The following PCSK5 variants were observed in gnomAD, a reference collection of about 807,000 sequenced individuals.
PCSK5 encodes prohormone convertase 5.
In PCSK5, 129 loss-of-function variants were observed where a neutral mutation model predicts 233.2. The ratio of observed to expected loss-of-function variants is 0.55; its 90% CI spans 0.48 to 0.64. The LOEUF is 0.64. Ranked by LOEUF, PCSK5 falls within the 30% of genes least tolerant of loss-of-function variation. PCSK5 has a pLI of 0.00. For synonymous variants in PCSK5, 825 were observed against 879.2 expected (o/e 0.94, Z 1.09); for missense variants, 2,076 against 2,430.1 (o/e 0.85, Z 3.06).
chr9:76,281,841 G>GT (rs1395654808), intron 24 of PCSK5, among the ~76,000 whole-genome samples: 1 of 152,030 alleles, frequency 6.6e-6, no homozygotes, highest in Non-Finnish European at 1.5e-5. Context: ...TAGAGATGGG[G>GT]TTTTGCCACG....
Position 76,104,622 on chromosome 9 carries a change from G to A in PCSK5, c.1108-2629G>A, listed in dbSNP as rs1251114666. Among the ~76,000 whole-genome samples, 5 of 152,168 alleles carry A rather than the reference G, an allele frequency of 3.3e-5. No homozygotes were observed. The South Asian group carries it at 8.3e-4, about 25-fold the overall frequency. Reference sequence around the variant, plus strand: ...AATGCAAGATCATAAAATTTTGATCGTTCACATTTGAGGTTGGCTGAAGAT... The same window carrying A: ...AATGCAAGATCATAAAATTTTGATCATTCACATTTGAGGTTGGCTGAAGAT... On this transcript the variant is annotated intron_variant, in intron 8 of 37. Transcript: ENST00000674117.
intron 15 of PCSK5, 60 bp downstream of exon 15, chr9:76,179,758 C>G (rs1180285821): frequency 8.8e-7 from 1 of 1,142,504 alleles, no homozygotes; most frequent in African/African-American, 1.5e-5. Context: ...GGAGTTCCTG[C>G]AAGGCTAATA....
intron 10 of PCSK5, among the ~76,000 whole-genome samples, chr9:76,140,734 C>T (rs1437978685): frequency 6.6e-6 from 1 of 151,974 alleles, no homozygotes; most frequent in Non-Finnish European, 1.5e-5. Flanking sequence ...TAAATGTCAC[C>T]TTAAGTCCAA....
In PCSK5 at chr9:76,233,456, C is replaced by G. The variant is rs1222015334; in HGVS notation, c.2730-4C>G. The stretch of plus-strand genomic sequence containing the variant: ...TGAATTCTAAAAGTCTGCTTTTCCT[C>G]TAGGATTTTTGATGATGGCCGCTGT... On this transcript the variant is annotated splice_polypyrimidine_tract_variant and splice_region_variant and intron_variant, in intron 21 of 37. Coordinates refer to ENST00000674117, the MANE Select transcript of PCSK5 (RefSeq NM_001372043.1). 1.1e-5 allele frequency: 18 copies of G among 1,612,550 alleles called. No homozygotes were observed. Among genetic ancestry groups the G allele is most frequent in the Non-Finnish European group, 1.4e-5 (17 of 1,179,806 alleles).
rs1461620476 is a variant in PCSK5 at position 76,181,590 on chromosome 9, C to A, written c.2196C>A (p.Thr732=). 6.2e-7 allele frequency: 1 copy of A among 1,603,272 alleles called. No homozygotes were observed. Among genetic ancestry groups the A allele is most frequent in the Non-Finnish European group, 8.5e-7 (1 of 1,172,468 alleles). The part of the protein sequence containing the change: ...THCPDGSYQD[T]KKNLCRKCSE... ...GCCCTGATGGGTCATATCAGGATAC[C>A]AGTAAGCTCACTTCAAATACTTGGG... Residue 732 remains threonine (T), a splice_region_variant and synonymous_variant, in exon 16 of 38, where the codon ACC becomes ACA. Coordinates refer to ENST00000674117, the MANE Select transcript of PCSK5 (RefSeq NM_001372043.1).
chr9:76,299,691 A>T (rs930408944), intron 27 of PCSK5, among the ~76,000 whole-genome samples: 1 of 152,082 alleles, frequency 6.6e-6, no homozygotes, highest in Non-Finnish European at 1.5e-5. Context: ...ACAACAAACG[A>T]ACAAACAAAA....
intron 27 of PCSK5, among the ~76,000 whole-genome samples, chr9:76,301,084 C>T (rs1828584940): frequency 6.6e-6 from 1 of 151,942 alleles, no homozygotes; most frequent in South Asian, 2.1e-4. Context: ...CCAACCTGGC[C>T]AACATGGTGA....
At chr9:76,265,306 C>T (rs1827301630) in intron 24 of PCSK5, among the ~76,000 whole-genome samples, 1 of 151,912 alleles carries the variant, frequency 6.6e-6, no homozygotes, top group African/African-American at 2.4e-5. Flanking sequence ...CTACTGGGTA[C>T]TAAGTTCAGT....
intron 5 of PCSK5, among the ~76,000 whole-genome samples, chr9:76,052,052 A>G (rs1273849021): frequency 6.6e-6 from 1 of 152,228 alleles, no homozygotes; most frequent in Non-Finnish European, 1.5e-5. Context: ...AATCATTTAA[A>G]GCAGAAAAGG....
chr9:75,964,534 TG>T (rs1341973711), intron 2 of PCSK5, among the ~76,000 whole-genome samples: 3 of 152,194 alleles, frequency 2.0e-5, no homozygotes, highest in African/African-American at 7.2e-5. Flanking sequence ...CAGTGAGTTA[TG>T]GGGCAGCTAG....
intron 24 of PCSK5, among the ~76,000 whole-genome samples, chr9:76,242,498 G>A (rs1217488322): frequency 5.3e-5 from 8 of 152,052 alleles, no homozygotes; most frequent in Non-Finnish European, 7.4e-5. Flanking sequence ...AAAATTTAGA[G>A]TCAGATATTT....
At chr9:76,094,148 T>A (rs1831411538) in intron 7 of PCSK5, among the ~76,000 whole-genome samples, 1 of 152,196 alleles carries the variant, frequency 6.6e-6, no homozygotes, top group African/African-American at 2.4e-5. Context: ...AAGAAAGGTA[T>A]GAACAGGTCT....
At chr9:76,042,336 T>C (rs1424750272) in intron 5 of PCSK5, among the ~76,000 whole-genome samples, 3 of 152,242 alleles carry the variant, frequency 2.0e-5, no homozygotes, top group Admixed American at 2.0e-4. Context: ...TGTTTCTATT[T>C]CTCTTAAATG....
intron 16 of PCSK5, among the ~76,000 whole-genome samples, chr9:76,183,574 C>T (rs1823967610): frequency 6.6e-6 from 1 of 152,200 alleles, no homozygotes; most frequent in Non-Finnish European, 1.5e-5. Context: ...GTGCTTAAAG[C>T]AGAATGCAAA....
rs913109455 is a variant in PCSK5, at chr9:76,227,704, A to G, written c.2729+99A>G. The G allele has an allele frequency of 9.0e-5, 67 of 744,136 alleles. 3 individuals carry two copies. 46.1% of individuals were successfully genotyped at this position (744,136 alleles called of 1,614,324 possible). On this transcript the variant is annotated intron_variant, in intron 21 of 37. Coordinates refer to ENST00000674117, the MANE Select transcript of PCSK5 (RefSeq NM_001372043.1). ...TCTTAGCAGCACCTCATGGGCCTGC[A>G]GTGAAAAAGAAGCAAACTCTTTCCC...
intron 5 of PCSK5, among the ~76,000 whole-genome samples, chr9:76,048,655 A>G (rs760317386): frequency 8.5e-5 from 13 of 152,212 alleles, no homozygotes; most frequent in Non-Finnish European, 1.8e-4. Context: ...TCTTACCTAT[A>G]AGGTGGGGAT....
At position 76,332,474 on chromosome 9, in the gene PCSK5, G is replaced by T. The variant is rs140049676; in HGVS notation, c.4612G>T (p.Asp1538Tyr). The T allele has an allele frequency of 4.3e-6, 7 of 1,612,494 alleles. No homozygotes were observed. The highest frequency in any genetic ancestry group is 5.1e-6 in the Non-Finnish European group (6 of 1,179,662). The change falls in exon 34 of 38, where the codon GAT (aspartate) becomes TAT (tyrosine). Residue 1538 changes from aspartate (D) to tyrosine (Y), a missense_variant. Physicochemically the swap from Asp to Tyr is radical, Grantham distance 160. Transcript: ENST00000674117. ...GGACTGCCCAGAGGGCTATTATGCCGATGAGGACAGCAACCGGTGTGCCCA... is the reference window on the plus strand; with the variant it reads ...GGACTGCCCAGAGGGCTATTATGCCTATGAGGACAGCAACCGGTGTGCCCA... ...VKDCPEGYYA[D>Y]EDSNRCAHCH...
chr9:75,992,572 T>TACAC (rs34250537), intron 3 of PCSK5, among the ~76,000 whole-genome samples: 66 of 150,732 alleles, frequency 4.4e-4, no homozygotes, highest in African/African-American at 1.5e-3. Flanking sequence ...TAACTTTAAA[T>TACAC]ACACACACAC....
At chr9:76,049,470 C>T (rs1315881947) in intron 5 of PCSK5, among the ~76,000 whole-genome samples, 1 of 152,152 alleles carries the variant, frequency 6.6e-6, no homozygotes, top group South Asian at 2.1e-4. Flanking sequence ...CAGAAGGGCC[C>T]GCAGTTGCGT....
Sources: gnomAD v4.1 joint callset for allele counts (sites outside exome capture counted in the v4.1 genomes callset) on GRCh38, gnomAD v4.1.1 for gene constraint, MANE v1.5 for transcripts, NCBI Gene and HGNC (gene_info 2026-07-23, HGNC 2026-07-21) for gene names.